NIPAL4: variants seen among roughly 807,000 people sequenced by gnomAD.
NIPAL4 encodes magnesium transporter NIPA4.
In NIPAL4, 21 loss-of-function variants were observed where a neutral mutation model predicts 31.6. The ratio of observed to expected loss-of-function variants is 0.67; its 90% CI spans 0.47 to 0.96. The LOEUF (loss-of-function observed/expected upper bound fraction) is 0.96, where lower values mean the gene tolerates loss of function less well. Ranked by LOEUF, NIPAL4 falls within the 40% of genes least tolerant of loss-of-function variation. The probability of loss-of-function intolerance (pLI) is 0.00; values close to 1 mark genes in which losing one functional copy is unlikely to be tolerated. For missense variants in NIPAL4, 438 were observed against 508.0 expected (o/e 0.86, Z 1.32); for synonymous variants, 175 against 211.1 (o/e 0.83, Z 1.48).
chr5:157,466,314 A>G (rs967007661), intron 2 of NIPAL4, among the ~76,000 whole-genome samples: 1 of 152,226 alleles, frequency 6.6e-6, no homozygotes, highest in Non-Finnish European at 1.5e-5. Context: ...CAGGAGATGC[A>G]CTTGGACAGG....
chr5:157,460,871 C>T (rs971551672), intron 1 of NIPAL4, among the ~76,000 whole-genome samples: 10 of 152,080 alleles, frequency 6.6e-5, no homozygotes, highest in African/African-American at 1.7e-4. Context: ...GCCCTTTACC[C>T]GCATTATCTC....
chr5:157,469,637 A>C (rs907962291), intron 4 of NIPAL4, among the ~76,000 whole-genome samples: 4 of 152,182 alleles, frequency 2.6e-5, no homozygotes, highest in African/African-American at 9.7e-5. Flanking sequence ...TGTGCTTCCC[A>C]CTGCCCCTAG....
At chr5:157,471,296 C>T (rs747313053) in intron 4 of NIPAL4, among the ~76,000 whole-genome samples, 9 of 152,106 alleles carry the variant, frequency 5.9e-5, no homozygotes, top group Non-Finnish European at 1.2e-4. Flanking sequence ...AGTTAATATG[C>T]GGGATACATT....
At chr5:157,468,027 C>T (rs965907365) in intron 3 of NIPAL4, 10 of 152,182 alleles carry the variant, frequency 6.6e-5, no homozygotes, top group African/African-American at 2.2e-4. Flanking sequence ...ACCTCGGCCT[C>T]CCGAGTAGCT....
chr5:157,468,134 C>A (rs369293159), intron 3 of NIPAL4, among the ~76,000 whole-genome samples: 1 of 150,714 alleles, frequency 6.6e-6, no homozygotes, highest in Non-Finnish European at 1.5e-5. Context: ...AGGCTGGTCT[C>A]GAACTCCCGA....
Position 157,467,062 on chromosome 5 carries a change from C to T in NIPAL4, c.291C>T (p.Phe97=), listed in dbSNP as rs372617924. 1,469 of 1,610,668 alleles carry T rather than the reference C, an allele frequency of 9.1e-4. 3 individuals carry two copies. Among genetic ancestry groups the T allele is most frequent in the Non-Finnish European group, 1.1e-3 (1,340 of 1,177,616 alleles). Residue 97 remains phenylalanine, a synonymous_variant, in exon 3 of 6, where the codon TTC becomes TTT. Coordinates refer to ENST00000311946, the MANE Select transcript of NIPAL4 (RefSeq NM_001099287.2). ...TTCCCTCCACAGTGGATGGAGGCTT[C>T]GGCTACCTGAAAGATGCAATGTGGT... ...TGATRAVDGG[F]GYLKDAMWWA...
chr5:157,462,771 A>C (rs1754142658), intron 1 of NIPAL4, among the ~76,000 whole-genome samples: 1 of 152,258 alleles, frequency 6.6e-6, no homozygotes, highest in Non-Finnish European at 1.5e-5. Context: ...GCAGAGGACC[A>C]TGTGAGTAGT....
chr5:157,460,526 GACTTC>G, intron 1 of NIPAL4, 169 bp downstream of exon 1: 1 of 739,054 alleles, frequency 1.4e-6, no homozygotes, highest in Non-Finnish European at 2.4e-6. Context: ...TTCTGGCTGA[GACTTC>G]ACTTTCATCT....
chr5:157,468,230 T>C (rs1754335728), intron 3 of NIPAL4, among the ~76,000 whole-genome samples: 1 of 152,118 alleles, frequency 6.6e-6, no homozygotes, highest in African/African-American at 2.4e-5. Context: ...TGTCAGATTT[T>C]TCTAACCACC....
In NIPAL4 at chr5:157,471,708, G is replaced by T; in HGVS notation, c.477G>T (p.Lys159Asn). 6.2e-7 allele frequency: 1 copy of T among 1,608,290 alleles called. No homozygotes were observed. Among genetic ancestry groups the T allele is most frequent in the South Asian group, 1.1e-5 (1 of 89,576 alleles). The change falls in exon 5 of 6, where the codon AAG becomes AAT. Residue 159 changes from lysine to asparagine, a missense_variant. Transcript: ENST00000311946. ...GGGAGAGTCTGAACCTGCTGGGGAA[G>T]CTGGGCTGTGTGATCTGTGTGGCCG... ...FLRESLNLLG[K>N]LGCVICVAGS...
At chr5:157,465,232 C>A (rs1754220427) in intron 2 of NIPAL4, among the ~76,000 whole-genome samples, 1 of 152,142 alleles carries the variant, frequency 6.6e-6, no homozygotes, top group East Asian at 1.9e-4. Flanking sequence ...TCCAGAGTGC[C>A]AGGGAAATTT....
chr5:157,466,417 G>A (rs1754274896), intron 2 of NIPAL4, among the ~76,000 whole-genome samples: 2 of 152,202 alleles, frequency 1.3e-5, no homozygotes, highest in Non-Finnish European at 2.9e-5. Context: ...AAGTTGCGGA[G>A]TGACATAATC....
In NIPAL4 at chr5:157,472,655, A is replaced by G; in HGVS notation, c.910A>G (p.Thr304Ala). 2 of 1,613,932 alleles carry G rather than the reference A, an allele frequency of 1.2e-6. No individual in the cohort carries two copies. Among genetic ancestry groups the G allele is most frequent in the Non-Finnish European group, 1.7e-6 (2 of 1,179,890 alleles). Residue 304 changes from threonine (T) to alanine (A), a missense_variant, in exon 6 of 6, where the codon ACG (threonine) becomes GCG (alanine). Physicochemically the swap from Thr to Ala is moderately conservative, Grantham distance 58. Coordinates refer to ENST00000311946, the MANE Select transcript of NIPAL4 (RefSeq NM_001099287.2). The stretch of plus-strand genomic sequence containing the variant: ...CCCCATCTACTACGTGTTCTTCACC[A>G]CGGTGGTCGTTACCTCGTCCATCAT... ...VFPIYYVFFT[T>A]VVVTSSIILF...
rs545556715 is a variant in NIPAL4, at chr5:157,473,972, A to G, written c.*1012A>G. The G allele has an allele frequency of 6.6e-5, 10 of 152,410 alleles. No homozygotes were observed. The highest frequency in any genetic ancestry group is 2.2e-4 in the African/African-American group (9 of 41,584). 9.4% of individuals were successfully genotyped at this position (152,410 alleles called of 1,614,324 possible). A position where few individuals can be genotyped will look rare whatever the true frequency, so the allele number is the denominator to read the frequency against. On this transcript the variant is annotated 3_prime_UTR_variant, in exon 6 of 6. Transcript: ENST00000311946. ...GAAGGCAGTCCCAGGCTCTCTGGATACTAGGGGCTAACTTTTGTGTTGACT... is the reference window on the plus strand; with the variant it reads ...GAAGGCAGTCCCAGGCTCTCTGGATGCTAGGGGCTAACTTTTGTGTTGACT...
chr5:157,470,286 T>C (rs968023685), intron 4 of NIPAL4, among the ~76,000 whole-genome samples: 2 of 152,080 alleles, frequency 1.3e-5, no homozygotes, highest in Admixed American at 1.3e-4. Flanking sequence ...CTCGAGGATA[T>C]GAGGGGAATA....
intron 4 of NIPAL4, among the ~76,000 whole-genome samples, chr5:157,469,452 A>G (rs1754367731): frequency 6.6e-6 from 1 of 152,214 alleles, no homozygotes; most frequent in Admixed American, 6.5e-5. Flanking sequence ...AGCTGAGCCC[A>G]ACAGAGGTTA....
intron 3 of NIPAL4, 43 bp from the exon 4 acceptor site, chr5:157,468,679 G>A (rs781585295): frequency 4.5e-6 from 5 of 1,100,532 alleles, no homozygotes; most frequent in Non-Finnish European, 4.2e-6. Flanking sequence ...TGGAGATGGT[G>A]CTTCTGCGCC....
rs12332192 is a variant in NIPAL4, at chr5:157,460,453, G to C, written c.37+96G>C. 4,015 of 1,278,844 alleles carry C rather than the reference G, an allele frequency of 3.1e-3. 103 individuals carry two copies. In the African/African-American group the frequency reaches 0.051, roughly 16 times the overall value. 79.2% of individuals were successfully genotyped at this position (1,278,844 alleles called of 1,614,324 possible). On this transcript the variant is annotated intron_variant, in intron 1 of 5. Coordinates refer to ENST00000311946, the MANE Select transcript of NIPAL4 (RefSeq NM_001099287.2). ...CCTCGCATCCTCTCCTCCCAGGGGG[G>C]CCAAAGCTGGGGAGGGGCAGGGCCA...
intron 1 of NIPAL4, among the ~76,000 whole-genome samples, chr5:157,462,774 T>C (rs1347855256): frequency 2.6e-5 from 4 of 152,262 alleles, no homozygotes; most frequent in Non-Finnish European, 5.9e-5. Flanking sequence ...GAGGACCATG[T>C]GAGTAGTAGC....
Sources: allele counts gnomAD v4.1 joint callset (sites outside exome capture counted in the v4.1 genomes callset), GRCh38; gene constraint gnomAD v4.1.1; transcripts MANE v1.5; gene names NCBI Gene and HGNC (gene_info 2026-07-23, HGNC 2026-07-21).